The following KLF12 variants were observed in gnomAD, a reference collection of about 807,000 sequenced individuals.
The protein encoded by KLF12 is KLF transcription factor 12, also known as Krueppel-like factor 12.
In KLF12, 9 loss-of-function variants were observed where a neutral mutation model predicts 37.8. The observed-to-expected ratio is 0.24, with a 90% CI of 0.14 to 0.42. KLF12 has a LOEUF of 0.42. Ranked by LOEUF, KLF12 falls within the 10% of genes least tolerant of loss-of-function variation. The probability of loss-of-function intolerance (pLI) is 1.00; values close to 1 mark genes in which losing one functional copy is unlikely to be tolerated. For synonymous variants in KLF12, 208 were observed against 202.1 expected, an observed-to-expected ratio of 1.03 and a Z score of -0.25; for missense variants, 411 against 516.0, an observed-to-expected ratio of 0.80 and a Z score of 1.97.
intron 2 of KLF12, among the ~76,000 whole-genome samples, chr13:73,990,763 T>C (rs762258214): frequency 7.2e-5 from 11 of 152,130 alleles, no homozygotes; most frequent in Non-Finnish European, 1.2e-4. Context: ...ATGAAATTAA[T>C]CTATTAGGCT....
chr13:73,853,845 G>C (rs183247449), intron 3 of KLF12, among the ~76,000 whole-genome samples: 162 of 151,926 alleles, frequency 1.1e-3, no homozygotes, highest in African/African-American at 3.6e-3. Flanking sequence ...CAAACCTTTA[G>C]CAAATAGAAG....
intron 3 of KLF12, among the ~76,000 whole-genome samples, chr13:73,861,759 G>T (rs1047914334): frequency 5.3e-5 from 8 of 151,816 alleles, no homozygotes; most frequent in African/African-American, 1.2e-4. Flanking sequence ...TATATCTACA[G>T]AGTCCAAACA....
At chr13:74,116,920 G>A (rs992748796) in intron 1 of KLF12, among the ~76,000 whole-genome samples, 2 of 151,992 alleles carry the variant, frequency 1.3e-5, no homozygotes, top group South Asian at 2.1e-4. Flanking sequence ...TTAGCCAAGA[G>A]CAAACGTAAG....
At chr13:73,896,525 T>C (rs989683029) in intron 3 of KLF12, among the ~76,000 whole-genome samples, 9 of 152,212 alleles carry the variant, frequency 5.9e-5, no homozygotes, top group African/African-American at 1.7e-4. Flanking sequence ...AAAAATGTGG[T>C]ATATTCAGCT....
chr13:74,143,855 A>T, the KLF12 span, among the ~76,000 whole-genome samples: 1 of 152,204 alleles, frequency 6.6e-6, no homozygotes, highest in Admixed American at 6.5e-5. Context: ...TTTGTGTTAG[A>T]TGATTTTTGC....
At chr13:73,772,945 A>G (rs1362766713) in intron 5 of KLF12, among the ~76,000 whole-genome samples, 1 of 152,176 alleles carries the variant, frequency 6.6e-6, no homozygotes, top group Non-Finnish European at 1.5e-5. Context: ...GTCTAAGTAC[A>G]TGTGAGGTGG....
At chr13:74,204,416 G>C in the KLF12 span, among the ~76,000 whole-genome samples, 1 of 152,068 alleles carries the variant, frequency 6.6e-6, no homozygotes, top group African/African-American at 2.4e-5. Context: ...TAGACTCATT[G>C]TTTACAATTA....
intron 1 of KLF12, among the ~76,000 whole-genome samples, chr13:74,058,739 T>G (rs1873404801): frequency 6.6e-6 from 1 of 152,182 alleles, no homozygotes; most frequent in Admixed American, 6.5e-5. Context: ...TTTTAAAGTA[T>G]AAGATGATCA....
At chr13:73,856,772 T>C (rs182028353) in intron 3 of KLF12, among the ~76,000 whole-genome samples, 202 of 152,234 alleles carry the variant, frequency 1.3e-3, no homozygotes, top group African/African-American at 4.5e-3. Context: ...GCAGATTGCT[T>C]GAGCTCAGGA....
chr13:74,244,350 T>C, the KLF12 span, among the ~76,000 whole-genome samples: 1 of 152,202 alleles, frequency 6.6e-6, no homozygotes, highest in African/African-American at 2.4e-5. Flanking sequence ...CTGAAGTAAG[T>C]CTTATTGTGG....
intron 4 of KLF12, among the ~76,000 whole-genome samples, chr13:73,823,491 C>T (rs1883654555): frequency 6.6e-6 from 1 of 152,088 alleles, no homozygotes; most frequent in Non-Finnish European, 1.5e-5. Context: ...AATTAGTATG[C>T]TCTCCGTGCC....
At chr13:73,711,165 T>G (rs1400391341) in intron 7 of KLF12, among the ~76,000 whole-genome samples, 1 of 152,160 alleles carries the variant, frequency 6.6e-6, no homozygotes, top group Non-Finnish European at 1.5e-5. Flanking sequence ...GGAGGTTGGT[T>G]CATGAGGTTT....
At chr13:74,010,171 G>T (rs1026914534) in intron 1 of KLF12, among the ~76,000 whole-genome samples, 1 of 152,116 alleles carries the variant, frequency 6.6e-6, no homozygotes, top group African/African-American at 2.4e-5. Context: ...TCAAACTCCT[G>T]ACCTCAGGTG....
chr13:74,226,872 G>A, the KLF12 span, among the ~76,000 whole-genome samples: 1 of 151,998 alleles, frequency 6.6e-6, no homozygotes, highest in East Asian at 1.9e-4. Context: ...AGACTAGTAG[G>A]GATTGAGAAA....
chr13:73,925,242 G>A (rs1317274589), intron 3 of KLF12, among the ~76,000 whole-genome samples: 2 of 152,228 alleles, frequency 1.3e-5, no homozygotes, highest in Admixed American at 6.5e-5. Flanking sequence ...CATAGCAAGA[G>A]AGGAGTCAAT....
At chr13:74,192,868 T>G in the KLF12 span, among the ~76,000 whole-genome samples, 2 of 152,158 alleles carry the variant, frequency 1.3e-5, 1 homozygote, top group Admixed American at 1.3e-4. Context: ...CTTTCCCCAC[T>G]ATCACACTAT....
intron 5 of KLF12, among the ~76,000 whole-genome samples, chr13:73,799,754 T>G (rs1882186875): frequency 6.6e-6 from 1 of 152,120 alleles, no homozygotes; most frequent in Non-Finnish European, 1.5e-5. Flanking sequence ...AGAAAAAGTG[T>G]CTCTTACTGT....
At chr13:73,981,121 C>T (rs1891678853) in intron 2 of KLF12, among the ~76,000 whole-genome samples, 1 of 152,160 alleles carries the variant, frequency 6.6e-6, no homozygotes, top group Non-Finnish European at 1.5e-5. Flanking sequence ...GTTTGTGTCA[C>T]TGCACTCCAG....
intron 6 of KLF12, among the ~76,000 whole-genome samples, chr13:73,719,316 G>A (rs970358112): frequency 3.9e-5 from 6 of 152,024 alleles, no homozygotes; most frequent in Non-Finnish European, 1.5e-5. Context: ...GACGACAACC[G>A]TGGACTGGGG....
Sources: allele counts gnomAD v4.1 joint callset (sites outside exome capture counted in the v4.1 genomes callset), GRCh38; gene constraint gnomAD v4.1.1; transcripts MANE v1.5; gene names NCBI Gene and HGNC (gene_info 2026-07-23, HGNC 2026-07-21).